RADIL: variants seen among roughly 807,000 people sequenced by gnomAD.
The protein encoded by RADIL is ras-associating and dilute domain-containing protein.
Under a neutral mutation model 97.6 loss-of-function variants are expected in RADIL, and 99 were observed. The ratio of observed to expected loss-of-function variants is 1.01; its 90% CI spans 0.86 to 1.20. RADIL has a LOEUF of 1.20. Among genes scored for constraint, RADIL ranks in the 50% most tolerant of loss-of-function variants. The pLI, the probability that RADIL is intolerant of heterozygous loss-of-function variation, is 0.00. For synonymous variants in RADIL, 803 were observed against 691.8 expected (o/e 1.16, Z -2.52); for missense variants, 1,765 against 1,498.9 (o/e 1.18, Z -2.93).
chr7:4,802,173 C>G (rs996117648), intron 11 of RADIL, among the ~76,000 whole-genome samples, 178 bp from the exon 12 acceptor site: 4 of 152,164 alleles, frequency 2.6e-5, no homozygotes, highest in African/African-American at 9.7e-5. Flanking sequence ...CCCCGCCATC[C>G]GGAGCACAGC....
At position 4,867,563 on chromosome 7, in the gene RADIL, T is replaced by G. The variant is rs1784157793; in HGVS notation, c.535+10042A>C. On this transcript the variant is annotated intron_variant, in intron 2 of 14. Coordinates refer to ENST00000399583, the MANE Select transcript of RADIL (RefSeq NM_018059.5). This position sits in a 1 kb window ranked among gnomAD's most constrained non-coding sequence, Gnocchi z 4.1. ...TGGGAGGCTGAGGTGGGAGGATCACTTGAGCCCAGGAGTTTGAGACCAGTC... is the reference window on the plus strand; with the variant it reads ...TGGGAGGCTGAGGTGGGAGGATCACGTGAGCCCAGGAGTTTGAGACCAGTC... Among the ~76,000 whole-genome samples the G allele has an allele frequency of 6.6e-6, 1 of 152,116 alleles. No homozygotes were observed. Among genetic ancestry groups the G allele is most frequent in the African/African-American group, 2.4e-5 (1 of 41,418 alleles).
Position 4,863,262 on chromosome 7 carries a change from T to C in RADIL, c.535+14343A>G, listed in dbSNP as rs900800840. Among the ~76,000 whole-genome samples the C allele has an allele frequency of 7.2e-5, 11 of 152,290 alleles. 1 individual carries two copies. Among genetic ancestry groups the C allele is most frequent in the South Asian group, 4.1e-4 (2 of 4,830 alleles). On this transcript the variant is annotated intron_variant, in intron 2 of 14. Coordinates refer to ENST00000399583, the MANE Select transcript of RADIL (RefSeq NM_018059.5). The stretch of plus-strand genomic sequence containing the variant: ...AAGCTTCTCTGCCTTTTAGATGGCA[T>C]TCTGTTCTTTCATGTTTTTCCCCCT...
intron 9 of RADIL, among the ~76,000 whole-genome samples, chr7:4,810,715 G>A (rs1020408083): frequency 5.3e-5 from 8 of 152,214 alleles, no homozygotes; most frequent in African/African-American, 1.4e-4. Flanking sequence ...GCTGCCAGAC[G>A]GCTTTCCAAA....
chr7:4,836,703 C>A, intron 2 of RADIL, 98 bp from the exon 3 acceptor site: 1 of 1,509,052 alleles, frequency 6.6e-7, no homozygotes, highest in Non-Finnish European at 8.9e-7. Flanking sequence ...TTTGGGAGGC[C>A]GAGGTGGGGG....
Position 4,801,817 on chromosome 7 carries a change from C to A in RADIL, c.2678G>T (p.Gly893Val), listed in dbSNP as rs761363448. 1 of 1,607,522 alleles carries A rather than the reference C, an allele frequency of 6.2e-7. No homozygotes were observed. The highest frequency in any genetic ancestry group is 2.2e-5 in the East Asian group (1 of 44,702). ...RQPSRGGSQA[G>V]PPHTDSSCLL... Reference sequence around the variant, plus strand: ...GCAGGACGAGTCCGTGTGCGGGGGGCCAGCCTGGGAGCCCCCACGGCTGGG... The same window carrying A: ...GCAGGACGAGTCCGTGTGCGGGGGGACAGCCTGGGAGCCCCCACGGCTGGG... Residue 893 changes from glycine (G) to valine (V), a missense_variant, in exon 12 of 15, where the codon GGC becomes GTC. Transcript: ENST00000399583.
rs181113414 is a variant in RADIL, at chr7:4,875,674, G to A, written c.535+1931C>T. ...TGCTTGGCAGAGGCAACGCATGGTG[G>A]AAGAATGACCGAAATTCTGTGTCTG... On this transcript the variant is annotated intron_variant, in intron 2 of 14. Transcript: ENST00000399583. Among the ~76,000 whole-genome samples the A allele has an allele frequency of 4.7e-3, 723 of 152,336 alleles. 6 individuals are homozygous for A. Among genetic ancestry groups the A allele is most frequent in the African/African-American group, 0.017 (693 of 41,584 alleles).
rs1783330772 is a variant in RADIL at position 4,837,493 on chromosome 7, G to T, written c.536-888C>A. 6.6e-6 allele frequency among the ~76,000 whole-genome samples: 1 copy of T among 152,172 alleles called. No homozygotes were observed. Among genetic ancestry groups the T allele is most frequent in the Non-Finnish European group, 1.5e-5 (1 of 68,032 alleles). On this transcript the variant is annotated intron_variant, in intron 2 of 14. Transcript: ENST00000399583. This position sits in a 1 kb window ranked among gnomAD's most constrained non-coding sequence, Gnocchi z 5.6. ...GGCCTGCTCCTGCAACAGCATCGCT[G>T]CCTCCTTCCCAAGGCTGTCTCTGAT...
chr7:4,814,219 A>C lies in RADIL; in HGVS notation c.2139+1059T>G, dbSNP rs993652887. ...AGCATTGCTTTACTTCTGTTTAGTG[A>C]TACTGTAGGAGAAGCAAACTAAATT... On this transcript the variant is annotated intron_variant, in intron 9 of 14. Coordinates refer to ENST00000399583, the MANE Select transcript of RADIL (RefSeq NM_018059.5). This position sits in a 1 kb window ranked among gnomAD's most constrained non-coding sequence, Gnocchi z 4.5. 6.6e-6 allele frequency among the ~76,000 whole-genome samples: 1 copy of C among 152,158 alleles called. No individual in the cohort carries two copies. The highest frequency in any genetic ancestry group is 2.4e-5 in the African/African-American group (1 of 41,414).
At chr7:4,812,720 C>A (rs1782579464) in intron 9 of RADIL, among the ~76,000 whole-genome samples, 1 of 152,208 alleles carries the variant, frequency 6.6e-6, no homozygotes, top group South Asian at 2.1e-4. Context: ...CCACACCCAG[C>A]CTCTTATTCA....
chr7:4,829,435 G>T (rs1283540582), intron 5 of RADIL, among the ~76,000 whole-genome samples: 1 of 152,198 alleles, frequency 6.6e-6, no homozygotes, highest in Non-Finnish European at 1.5e-5. Context: ...GGGACTCCAG[G>T]TCAGTGGTCC....
intron 14 of RADIL, 65 bp downstream of exon 14, chr7:4,799,565 C>G (rs1026613424): frequency 1.2e-6 from 2 of 1,610,306 alleles, no homozygotes; most frequent in Admixed American, 1.7e-5. Flanking sequence ...CTCCTTTACC[C>G]CAGGTCCACT....
chr7:4,822,718 C>T lies in RADIL; in HGVS notation c.1455-164G>A, dbSNP rs1276230188. 2.0e-5 allele frequency among the ~76,000 whole-genome samples: 3 copies of T among 152,292 alleles called. No homozygotes were observed. The highest frequency in any genetic ancestry group is 2.1e-4 in the South Asian group (1 of 4,820). ...GGGGACGTTTAACAATACGTGTACC[C>T]GCCTGGCACCTGCCTACAACACCCG... is the stretch of plus-strand genomic sequence containing the variant. On this transcript the variant is annotated intron_variant, in intron 5 of 14. Transcript: ENST00000399583. The surrounding 1 kb of genome is among the most constrained non-coding windows in gnomAD (Gnocchi z 5.3).
In RADIL at chr7:4,834,738, C is replaced by G; in HGVS notation, c.1285G>C (p.Gly429Arg). 7.1e-7 allele frequency: 1 copy of G among 1,411,308 alleles called. No individual in the cohort carries two copies. Among genetic ancestry groups the G allele is most frequent in the Non-Finnish European group, 9.3e-7 (1 of 1,075,368 alleles). The allele number at this position is 1,411,308 out of a possible 1,614,324, so 87.4% of individuals were successfully genotyped here. Residue 429 changes from glycine to arginine, a missense_variant, in exon 4 of 15, where the codon GGC becomes CGC. Gly to Arg is a moderately radical substitution (Grantham distance 125). Coordinates refer to ENST00000399583, the MANE Select transcript of RADIL (RefSeq NM_018059.5). The surrounding 1 kb of genome is among the most constrained non-coding windows in gnomAD (Gnocchi z 6.0). ...QRIMTLIEPG[G>R]DDHKLTPAFL... ...GCGGGGGTCAGCTTGTGGTCGTCGC[C>G]CCCCGGCTCGATCAACGTCATGATC... is the stretch of plus-strand genomic sequence containing the variant.
In RADIL at chr7:4,803,452, T is replaced by G. The variant is rs551674916; in HGVS notation, c.2499+94A>C. 5,685 of 1,018,112 alleles carry G rather than the reference T, an allele frequency of 5.6e-3. 39 individuals are homozygous for G. The highest frequency in any genetic ancestry group is 6.2e-3 in the South Asian group (355 of 57,570). The allele number at this position is 1,018,112 out of a possible 1,614,324, so 63.1% of individuals were successfully genotyped here. ...GGCACCTCGGGGCACGCTGGCTGGG[T>G]GGCCCCCTCCCCGGGCACCTCGGGG... is the stretch of plus-strand genomic sequence containing the variant. On this transcript the variant is annotated intron_variant, in intron 11 of 14. Coordinates refer to ENST00000399583, the MANE Select transcript of RADIL (RefSeq NM_018059.5).
chr7:4,831,894 AAAAC>A (rs935236049), intron 5 of RADIL, among the ~76,000 whole-genome samples: 1 of 151,324 alleles, frequency 6.6e-6, no homozygotes, highest in African/African-American at 2.4e-5. Context: ...AAACAAAACA[AAAAC>A]AAACAAAAAA....
intron 2 of RADIL, chr7:4,838,047 C>A: frequency 1.0e-6 from 1 of 985,452 alleles, no homozygotes; most frequent in Non-Finnish European, 1.2e-6. Flanking sequence ...CAGCCGGCAG[C>A]CTGTGCATCT....
intron 10 of RADIL, chr7:4,805,332 C>T: frequency 2.2e-6 from 1 of 452,908 alleles, no homozygotes; most frequent in South Asian, 8.0e-5. Context: ...GAGTTTGGAA[C>T]TTGGGCATGG....
Position 4,835,016 on chromosome 7 carries a change from G to A in RADIL, c.1007C>T (p.Thr336Ile). ...SVNFSEVGHR[T>I]VVLHHGDLLS... ...CAGGTCCCCGTGGTGCAGCACCACG[G>A]TCCTGTGCCCCACCTCGGAGAAGTT... Residue 336 changes from threonine (T) to isoleucine (I), a missense_variant, in exon 4 of 15, where the codon ACC becomes ATC. By Grantham distance (89) the Thr-to-Ile change is moderately conservative. Transcript: ENST00000399583. The surrounding 1 kb of genome is among the most constrained non-coding windows in gnomAD (Gnocchi z 5.8). 6.2e-7 allele frequency: 1 copy of A among 1,611,510 alleles called. No homozygotes were observed. The highest frequency in any genetic ancestry group is 8.5e-7 in the Non-Finnish European group (1 of 1,179,304).
rs1405601307 is a variant in RADIL, at chr7:4,818,799, C to T, written c.1616-1448G>A. 6.6e-6 allele frequency among the ~76,000 whole-genome samples: 1 copy of T among 152,096 alleles called. No individual in the cohort carries two copies. Among genetic ancestry groups the T allele is most frequent in the East Asian group, 1.9e-4 (1 of 5,164 alleles). ...TCACTCCCTGGGCAGGGGCGGGGCACTGGTGGGAAGAGGGAAACGGGGCAT... is the reference window on the plus strand; with the variant it reads ...TCACTCCCTGGGCAGGGGCGGGGCATTGGTGGGAAGAGGGAAACGGGGCAT... On this transcript the variant is annotated intron_variant, in intron 6 of 14. Coordinates refer to ENST00000399583, the MANE Select transcript of RADIL (RefSeq NM_018059.5). The surrounding 1 kb of genome is among the most constrained non-coding windows in gnomAD (Gnocchi z 7.1).
Sources: gnomAD v4.1 joint callset for allele counts (sites outside exome capture counted in the v4.1 genomes callset) on GRCh38, gnomAD v4.1.1 for gene constraint, Gnocchi (gnomAD v3.1) non-coding constraint, MANE v1.5 for transcripts, NCBI Gene and HGNC (gene_info 2026-07-23, HGNC 2026-07-21) for gene names.